CCSER1: variants seen among roughly 807,000 people sequenced by gnomAD.
CCSER1 encodes serine-rich coiled-coil domain-containing protein 1.
In CCSER1, 41 loss-of-function variants were observed where a neutral mutation model predicts 82.0. The ratio of observed to expected loss-of-function variants is 0.50; its 90% CI spans 0.39 to 0.65. The LOEUF (loss-of-function observed/expected upper bound fraction) is 0.65. Ranked by LOEUF, CCSER1 falls within the 30% of genes least tolerant of loss-of-function variation. CCSER1 has a pLI of 0.00. For synonymous variants in CCSER1, 414 were observed against 383.9 expected, an observed-to-expected ratio of 1.08 and a Z score of -0.92; for missense variants, 1,119 against 1,064.2, an observed-to-expected ratio of 1.05 and a Z score of -0.72.
At chr4:90,162,175 T>G (rs1729579454) in intron 1 of CCSER1, among the ~76,000 whole-genome samples, 1 of 152,162 alleles carries the variant, frequency 6.6e-6, no homozygotes, top group Non-Finnish European at 1.5e-5. Flanking sequence ...AAGCTCATTT[T>G]GACATATCCC....
intron 8 of CCSER1, among the ~76,000 whole-genome samples, chr4:90,841,761 A>G (rs978849948): frequency 6.6e-6 from 1 of 152,122 alleles, no homozygotes; most frequent in Non-Finnish European, 1.5e-5. Context: ...TTATAAATCA[A>G]GGTGAAGCTG....
chr4:90,553,687 T>G (rs1308992594), intron 5 of CCSER1, among the ~76,000 whole-genome samples: 1 of 152,204 alleles, frequency 6.6e-6, no homozygotes, highest in Non-Finnish European at 1.5e-5. Context: ...CTTATTTTAC[T>G]TTGTTATCTC....
At chr4:90,654,109 G>T (rs552575013) in intron 6 of CCSER1, among the ~76,000 whole-genome samples, 2 of 152,060 alleles carry the variant, frequency 1.3e-5, no homozygotes, top group Non-Finnish European at 2.9e-5. Flanking sequence ...CTCCCACCAC[G>T]CCCCTCCTTC....
intron 10 of CCSER1, among the ~76,000 whole-genome samples, chr4:91,095,069 T>A (rs1561544487): frequency 6.6e-6 from 1 of 152,138 alleles, no homozygotes; most frequent in Non-Finnish European, 1.5e-5. Context: ...AGAGGGCCAC[T>A]GGGGTGGTTA....
intron 9 of CCSER1, among the ~76,000 whole-genome samples, chr4:90,985,136 A>T (rs1736475358): frequency 6.6e-6 from 1 of 151,798 alleles, no homozygotes; most frequent in Admixed American, 6.6e-5. Context: ...ACACCAAAAA[A>T]TTATTTTAAA....
At chr4:90,513,212 A>G (rs1478188805) in intron 5 of CCSER1, among the ~76,000 whole-genome samples, 1 of 152,200 alleles carries the variant, frequency 6.6e-6, no homozygotes, top group Non-Finnish European at 1.5e-5. Context: ...TGGAGTATAA[A>G]TAGTACTGCA....
intron 5 of CCSER1, among the ~76,000 whole-genome samples, chr4:90,563,421 A>G (rs1043425390): frequency 1.3e-5 from 2 of 151,962 alleles, no homozygotes; most frequent in South Asian, 2.1e-4. Context: ...CAAATTTTAT[A>G]TCTTTTGACC....
At chr4:91,448,040 A>G (rs969476278) in intron 10 of CCSER1, among the ~76,000 whole-genome samples, 6 of 152,116 alleles carry the variant, frequency 3.9e-5, no homozygotes, top group Non-Finnish European at 7.4e-5. Flanking sequence ...AAAGTTTTAC[A>G]TAGGCAAGTT....
At chr4:91,512,953 A>AT (rs914185897) in intron 10 of CCSER1, among the ~76,000 whole-genome samples, 4 of 151,446 alleles carry the variant, frequency 2.6e-5, no homozygotes, top group Admixed American at 6.6e-5. Flanking sequence ...GATACCTTTT[A>AT]TTTTTTTTAT....
At chr4:90,750,058 T>C (rs899573823) in intron 7 of CCSER1, among the ~76,000 whole-genome samples, 9 of 152,114 alleles carry the variant, frequency 5.9e-5, no homozygotes, top group African/African-American at 1.7e-4. Context: ...GTGAGCATTT[T>C]TTCATGTGTT....
At chr4:91,177,200 G>A (rs1283375005) in intron 10 of CCSER1, among the ~76,000 whole-genome samples, 2 of 152,184 alleles carry the variant, frequency 1.3e-5, no homozygotes, top group Non-Finnish European at 2.9e-5. Flanking sequence ...GCTTTTTGAT[G>A]TGCTGCTGGA....
chr4:90,918,213 A>G (rs1183095475), intron 8 of CCSER1: 1 of 454,902 alleles, frequency 2.2e-6, no homozygotes, highest in East Asian at 7.0e-5. Flanking sequence ...ATGTGTGTAC[A>G]TTTCTTTTTA....
At chr4:90,319,524 G>T (rs537075099) in intron 3 of CCSER1, among the ~76,000 whole-genome samples, 1 of 152,074 alleles carries the variant, frequency 6.6e-6, no homozygotes. Context: ...GGTGGCACGC[G>T]CCTGTAGTCC....
intron 10 of CCSER1, among the ~76,000 whole-genome samples, chr4:91,253,333 TA>T (rs1740407904): frequency 6.6e-6 from 1 of 152,192 alleles, no homozygotes; most frequent in Admixed American, 6.5e-5. Context: ...AAATATGTGT[TA>T]ATCAATTGTC....
intron 9 of CCSER1, chr4:91,015,590 TTTA>T (rs1223858871): frequency 6.6e-6 from 1 of 151,896 alleles, no homozygotes; most frequent in African/African-American, 2.4e-5. Context: ...TTATAGTTGC[TTTA>T]TTATTATGTA....
chr4:90,451,988 T>A (rs1160626518), intron 4 of CCSER1, among the ~76,000 whole-genome samples: 1 of 152,056 alleles, frequency 6.6e-6, no homozygotes, highest in Admixed American at 6.6e-5. Flanking sequence ...AAAGCATGCT[T>A]AGAATAAGTA....
intron 1 of CCSER1, among the ~76,000 whole-genome samples, chr4:90,302,825 A>C (rs1293238214): frequency 6.6e-6 from 1 of 151,832 alleles, no homozygotes. Flanking sequence ...AAAACAAAAC[A>C]AAACAAAAAG....
intron 5 of CCSER1, among the ~76,000 whole-genome samples, chr4:90,552,424 A>G (rs1457194719): frequency 6.6e-6 from 1 of 152,158 alleles, no homozygotes; most frequent in African/African-American, 2.4e-5. Context: ...TTTTAGAACA[A>G]ATTTTCAACA....
chr4:90,665,329 CTT>C (rs5860200), intron 6 of CCSER1, among the ~76,000 whole-genome samples: 13 of 145,138 alleles, frequency 9.0e-5, no homozygotes, highest in Non-Finnish European at 1.4e-4. Flanking sequence ...ATTTTTTTTT[CTT>C]TTTTTTTTTT....
Sources: allele counts gnomAD v4.1 joint callset (sites outside exome capture counted in the v4.1 genomes callset), GRCh38; gene constraint gnomAD v4.1.1; transcripts MANE v1.5; gene names NCBI Gene and HGNC (gene_info 2026-07-23, HGNC 2026-07-21).